Variants in POMT1 observed in about 807,000 individuals in gnomAD.
POMT1 encodes protein O-mannosyltransferase 1.
In POMT1, 85 loss-of-function variants were observed where a neutral mutation model predicts 101.6. The observed-to-expected ratio is 0.84, with a 90% CI of 0.70 to 1.00. The LOEUF is 1.00. Among genes scored for constraint, POMT1 ranks in the 50% least tolerant of loss-of-function variants. The pLI, the probability that POMT1 is intolerant of heterozygous loss-of-function variation, is 0.00. For missense variants in POMT1, 857 were observed against 930.4 expected (o/e 0.92, Z 1.03); for synonymous variants, 371 against 383.0 (o/e 0.97, Z 0.37).
At chr9:131,506,884 T>C (rs10448343) in intron 4 of POMT1, 239,948 of 263,074 alleles carry the variant, frequency 0.91, 110,368 homozygotes, top group South Asian at 0.97. Flanking sequence ...ATGGCTAACA[T>C]GGTGAAACCC....
rs1307249742 is a variant in POMT1 at position 131,503,977 on chromosome 9, T to A, written c.-30-212T>A. On this transcript the variant is annotated intron_variant, in intron 1 of 19. Transcript: ENST00000402686. This position sits in a 1 kb window ranked among gnomAD's most constrained non-coding sequence, Gnocchi z 4.4. ...GTTGTTGAAAGGAGTGAATGTCCAG[T>A]CCTGAGATCCCCTGAATTCCCACCC... Among the ~76,000 whole-genome samples the A allele has an allele frequency of 6.6e-6, 1 of 152,136 alleles. No homozygotes were observed. Among genetic ancestry groups the A allele is most frequent in the Non-Finnish European group, 1.5e-5 (1 of 68,012 alleles).
chr9:131,522,632 C>T lies in POMT1; in HGVS notation c.2004-300C>T, dbSNP rs567153250. ...TGTGTTTGGAGGTTGGAGCAGAGGG[C>T]GAGGGCCTCCCGGTTTCAGGAAGCC... On this transcript the variant is annotated intron_variant, in intron 19 of 19. Coordinates refer to ENST00000402686, the MANE Select transcript of POMT1 (RefSeq NM_001077365.2). The surrounding 1 kb of genome is among the most constrained non-coding windows in gnomAD (Gnocchi z 5.5). 6 of 546,890 alleles carry T rather than the reference C, an allele frequency of 1.1e-5. No homozygotes were observed. In the Admixed American group the frequency reaches 1.6e-4, roughly 14 times the overall value. 33.9% of individuals were successfully genotyped at this position (546,890 alleles called of 1,614,324 possible). A position where few individuals can be genotyped will look rare whatever the true frequency, so the allele number is the denominator to read the frequency against.
chr9:131,518,214 G>A (rs1185154317), intron 13 of POMT1: 4 of 622,976 alleles, frequency 6.4e-6, no homozygotes, highest in Admixed American at 2.4e-5. Context: ...CCTCTTGTAC[G>A]GCCTTGGCGA....
chr9:131,517,320 T>TC (rs1948915987), intron 13 of POMT1, among the ~76,000 whole-genome samples: 1 of 151,972 alleles, frequency 6.6e-6, no homozygotes, highest in Non-Finnish European at 1.5e-5. Flanking sequence ...AGTGTTGGCC[T>TC]CCCAAGCTTA....
chr9:131,511,856 A>AT, intron 10 of POMT1, 185 bp from the exon 11 acceptor site: 1 of 663,756 alleles, frequency 1.5e-6, no homozygotes, highest in Non-Finnish European at 2.6e-6. Flanking sequence ...CCACTTCCAG[A>AT]TACGTTTCTT....
Position 131,522,242 on chromosome 9 carries a change from A to T in POMT1, c.2003+18A>T. On this transcript the variant is annotated intron_variant, in intron 19 of 19. Coordinates refer to ENST00000402686, the MANE Select transcript of POMT1 (RefSeq NM_001077365.2). The surrounding 1 kb of genome is among the most constrained non-coding windows in gnomAD (Gnocchi z 5.5). ...CTGTGCAGGTACGGGGGCTGCGGAGACAGTGGCTGGACCGGGCAGCAGCCC... is the reference window on the plus strand; with the variant it reads ...CTGTGCAGGTACGGGGGCTGCGGAGTCAGTGGCTGGACCGGGCAGCAGCCC... The T allele has an allele frequency of 1.9e-6, 3 of 1,611,866 alleles. No individual in the cohort carries two copies. Among genetic ancestry groups the T allele is most frequent in the Middle Eastern group, 1.6e-4 (1 of 6,062 alleles).
chr9:131,520,348 T>C (rs1299178372), intron 17 of POMT1, among the ~76,000 whole-genome samples, 155 bp downstream of exon 17: 1 of 152,264 alleles, frequency 6.6e-6, no homozygotes, highest in African/African-American at 2.4e-5. Context: ...CTAAACGCTT[T>C]GGCAACCTGG....
chr9:131,520,483 C>T (rs1052194957), intron 17 of POMT1, among the ~76,000 whole-genome samples: 5 of 152,200 alleles, frequency 3.3e-5, no homozygotes, highest in African/African-American at 4.8e-5. Context: ...TTCAATTTTC[C>T]GTGTGGCACC....
At chr9:131,515,329 G>C in intron 12 of POMT1, 97 bp from the exon 13 acceptor site, 1 of 1,281,306 alleles carries the variant, frequency 7.8e-7, no homozygotes, top group Non-Finnish European at 1.1e-6. Flanking sequence ...AGCCGGCTTT[G>C]TTTCTGAAAA....
chr9:131,515,397 T>A (rs1166063784), intron 12 of POMT1, 29 bp from the exon 13 acceptor site: 1 of 1,608,378 alleles, frequency 6.2e-7, no homozygotes, highest in Non-Finnish European at 8.5e-7. Flanking sequence ...TTCAAGGAAT[T>A]TTCTGAAATC....
intron 13 of POMT1, chr9:131,516,953 T>C (rs1005557549): frequency 1.3e-5 from 2 of 152,306 alleles, no homozygotes; most frequent in African/African-American, 4.8e-5. Flanking sequence ...CTGCTCCCCT[T>C]ACGGAATCGG....
intron 11 of POMT1, among the ~76,000 whole-genome samples, chr9:131,512,752 C>T (rs1310450338): frequency 4.6e-5 from 7 of 152,178 alleles, no homozygotes; most frequent in Admixed American, 2.0e-4. Flanking sequence ...GATAAGATTA[C>T]AGGCGCCCAC....
At chr9:131,515,976 CCTCTCACA>C (rs72560044) in intron 13 of POMT1, among the ~76,000 whole-genome samples, 2,849 of 28,734 alleles carry the variant, frequency 0.099, 204 homozygotes, top group Admixed American at 0.16. Context: ...CAGGACACTT[CCTCTCACA>C]CTCACACGGA....
chr9:131,510,728 A>C (rs1946932769), intron 9 of POMT1: 2 of 391,670 alleles, frequency 5.1e-6, no homozygotes, highest in Non-Finnish European at 9.7e-6. Context: ...CTGGTCTGGA[A>C]CTCCTGACCT....
At chr9:131,515,089 G>A (rs1948017837) in intron 12 of POMT1, among the ~76,000 whole-genome samples, 1 of 152,264 alleles carries the variant, frequency 6.6e-6, no homozygotes, top group Admixed American at 6.5e-5. Flanking sequence ...CATTGGTACT[G>A]CCAGCTGGCA....
rs757875244 is a variant in POMT1, at chr9:131,508,982, G to T, written c.499G>T (p.Val167Leu). The change falls in exon 6 of 20, where the codon GTG becomes TTG. Residue 167 changes from valine to leucine, a missense_variant. Coordinates refer to ENST00000402686, the MANE Select transcript of POMT1 (RefSeq NM_001077365.2). Reference protein sequence around the residue: ...SVLIFFNLLAVLSYLKFFNCQ... With the variant: ...SVLIFFNLLALLSYLKFFNCQ... ...GTTAATATTTTTCAATCTATTGGCC[G>T]TGTTGTCCTACCTGAAGTTCTTCAA... is the stretch of plus-strand genomic sequence containing the variant. The T allele has an allele frequency of 6.2e-7, 1 of 1,613,658 alleles. No homozygotes were observed. The highest frequency in any genetic ancestry group is 1.3e-5 in the African/African-American group (1 of 74,890).
In POMT1 at chr9:131,513,332, G is replaced by A. The variant is rs1051679985; in HGVS notation, c.1175+1G>A. ...GCATGACCACCCGCTCCCTGAACACGTGAGTGTGCCCGCCGTCTGCTCTGC... is the reference window on the plus strand; with the variant it reads ...GCATGACCACCCGCTCCCTGAACACATGAGTGTGCCCGCCGTCTGCTCTGC... On this transcript the variant is annotated splice_donor_variant, in intron 12 of 19. Transcript: ENST00000402686. LOFTEE classifies it high-confidence loss of function. 22 of 1,610,716 alleles carry A rather than the reference G, an allele frequency of 1.4e-5. No homozygotes were observed. Among genetic ancestry groups the A allele is most frequent in the African/African-American group, 2.7e-5 (2 of 74,884 alleles).
chr9:131,516,789 C>G (rs906358686), intron 13 of POMT1: 1 of 152,270 alleles, frequency 6.6e-6, no homozygotes, highest in African/African-American at 2.4e-5. Flanking sequence ...GTCCTGAACA[C>G]AGGACACGAG....
At chr9:131,505,170 C>G (rs1469538913) in intron 2 of POMT1, among the ~76,000 whole-genome samples, 2 of 152,024 alleles carry the variant, frequency 1.3e-5, no homozygotes, top group Non-Finnish European at 2.9e-5. Flanking sequence ...CCCACACACA[C>G]CAGTATTTTC....
Sources: gnomAD v4.1 joint callset for allele counts (sites outside exome capture counted in the v4.1 genomes callset) on GRCh38, gnomAD v4.1.1 for gene constraint, Gnocchi (gnomAD v3.1) non-coding constraint, MANE v1.5 for transcripts, NCBI Gene and HGNC (gene_info 2026-07-23, HGNC 2026-07-21) for gene names.